Variants in GRB10 observed in about 807,000 individuals in gnomAD.
GRB10 encodes growth factor receptor-bound protein 10.
GRB10 carries 20 observed loss-of-function variants against 80.9 expected under a neutral mutation model. The observed-to-expected ratio is 0.25, with a 90% CI of 0.17 to 0.36. The LOEUF (loss-of-function observed/expected upper bound fraction) is 0.36. Among genes scored for constraint, GRB10 ranks in the 10% least tolerant of loss-of-function variants. The probability of loss-of-function intolerance (pLI) is 1.00; values close to 1 mark genes in which losing one functional copy is unlikely to be tolerated. For missense variants in GRB10, 548 were observed against 747.7 expected (o/e 0.73, Z 3.12); for synonymous variants, 291 against 291.5 (o/e 1.00, Z 0.02).
chr7:50,685,758 G>T (rs1053078692), intron 5 of GRB10, among the ~76,000 whole-genome samples: 1 of 152,146 alleles, frequency 6.6e-6, no homozygotes, highest in Non-Finnish European at 1.5e-5. Flanking sequence ...AAAAGAGCCT[G>T]AATTCTAAGG....
chr7:50,753,653 C>A (rs2074535104), intron 3 of GRB10, among the ~76,000 whole-genome samples: 1 of 152,204 alleles, frequency 6.6e-6, no homozygotes, highest in Admixed American at 6.5e-5. Context: ...AGGAAGCACC[C>A]CACCAAATGG....
intron 3 of GRB10, among the ~76,000 whole-genome samples, chr7:50,746,007 A>C (rs1024530): frequency 0.11 from 17,480 of 152,194 alleles, 3,338 homozygotes; most frequent in African/African-American, 0.4. Flanking sequence ...ATTAGGCCCC[A>C]GAGTCCAGTA....
Position 50,622,630 on chromosome 7 carries a change from T to C in GRB10, c.662-3345A>G, listed in dbSNP as rs186115982. Among the ~76,000 whole-genome samples the C allele has an allele frequency of 8.3e-4, 126 of 152,304 alleles. 3 individuals carry two copies. Among genetic ancestry groups the C allele is most frequent in the Non-Finnish European group, 5.9e-5 (4 of 68,026 alleles). ...TTATCTGACCTTAGTATGCCTGATG[T>C]CTACAGTTACTTGGGGCCTGGGTGC... On this transcript the variant is annotated intron_variant, in intron 8 of 18. Transcript: ENST00000401949.
intron 7 of GRB10, among the ~76,000 whole-genome samples, chr7:50,634,632 G>A (rs143085225): frequency 6.6e-6 from 1 of 152,346 alleles, no homozygotes; most frequent in East Asian, 1.9e-4. Context: ...GCCATCTGCT[G>A]CCTACAAGAG....
Position 50,745,706 on chromosome 7 carries a change from TA to T in GRB10, c.-47+10180del, listed in dbSNP as rs1587784866. On this transcript the variant is annotated intron_variant, in intron 3 of 18. Coordinates refer to ENST00000401949, the MANE Select transcript of GRB10 (RefSeq NM_001350814.2). ...ACAGCCCTTGGATTTAAACACTTTA[TA>T]AACTAAATGCGCTCCAAAGTCATTC... Among the ~76,000 whole-genome samples, 3 of 152,222 alleles carry T rather than the reference TA, an allele frequency of 2.0e-5. No individual in the cohort carries two copies. The East Asian group carries it at 5.8e-4, about 29-fold the overall frequency.
At chr7:50,714,473 C>G (rs533344605) in intron 4 of GRB10, among the ~76,000 whole-genome samples, 2 of 152,144 alleles carry the variant, frequency 1.3e-5, no homozygotes, top group Non-Finnish European at 2.9e-5. Flanking sequence ...ACCATTCTGG[C>G]TAACACGGTG....
chr7:50,731,558 C>G (rs2069730291), intron 4 of GRB10, among the ~76,000 whole-genome samples: 1 of 152,126 alleles, frequency 6.6e-6, no homozygotes, highest in African/African-American at 2.4e-5. Context: ...AAGGATGAAC[C>G]AGGATTCGCG....
intron 18 of GRB10, 103 bp from the exon 19 acceptor site, chr7:50,593,201 C>A: frequency 7.5e-7 from 1 of 1,333,112 alleles, no homozygotes; most frequent in East Asian, 2.3e-5. Flanking sequence ...GATTTGATTC[C>A]AGAGGGACAC....
chr7:50,657,396 A>G (rs1017047956), intron 7 of GRB10, among the ~76,000 whole-genome samples: 2 of 152,158 alleles, frequency 1.3e-5, no homozygotes, highest in Non-Finnish European at 2.9e-5. Context: ...GGCTCCTGGC[A>G]TGGCAACACT....
intron 2 of GRB10, among the ~76,000 whole-genome samples, chr7:50,777,429 TACACACACACACAC>T (rs71018485): frequency 6.8e-6 from 1 of 146,168 alleles, no homozygotes; most frequent in African/African-American, 2.5e-5. Flanking sequence ...GCAATCTGTA[TACACACACACACAC>T]ACACACACAC....
At chr7:50,701,863 A>G (rs1199777218) in intron 5 of GRB10, among the ~76,000 whole-genome samples, 3 of 152,142 alleles carry the variant, frequency 2.0e-5, no homozygotes, top group African/African-American at 7.2e-5. Flanking sequence ...TTATTCTTTC[A>G]TGCATCTGTC....
At chr7:50,609,440 T>C (rs1211874722) in intron 13 of GRB10, among the ~76,000 whole-genome samples, 1 of 152,268 alleles carries the variant, frequency 6.6e-6, no homozygotes, top group African/African-American at 2.4e-5. Flanking sequence ...ACCAGGAAGA[T>C]ACAAATATTC....
chr7:50,727,402 G>A (rs756191205), intron 4 of GRB10, among the ~76,000 whole-genome samples: 1 of 152,124 alleles, frequency 6.6e-6, no homozygotes, highest in Non-Finnish European at 1.5e-5. Flanking sequence ...TGTTCACCTG[G>A]TACCCTAATA....
At chr7:50,700,430 CTG>C (rs1398604038) in intron 5 of GRB10, among the ~76,000 whole-genome samples, 2 of 152,170 alleles carry the variant, frequency 1.3e-5, no homozygotes, top group Non-Finnish European at 2.9e-5. Context: ...TCCTGAGTGT[CTG>C]TGCTACAGGT....
chr7:50,792,114 A>G (rs529221760), intron 1 of GRB10, among the ~76,000 whole-genome samples: 1 of 152,330 alleles, frequency 6.6e-6, no homozygotes, highest in African/African-American at 2.4e-5. Flanking sequence ...CGGGGGCTCC[A>G]AACGGCTGAA....
intron 4 of GRB10, among the ~76,000 whole-genome samples, chr7:50,705,649 T>G (rs2064938978): frequency 6.6e-6 from 1 of 152,216 alleles, no homozygotes; most frequent in African/African-American, 2.4e-5. Context: ...GAATCATAAT[T>G]ATCTTCCACA....
chr7:50,749,986 A>G (rs2073822782), intron 3 of GRB10, among the ~76,000 whole-genome samples: 1 of 152,222 alleles, frequency 6.6e-6, no homozygotes, highest in Non-Finnish European at 1.5e-5. Flanking sequence ...TCAACTTAGG[A>G]CAGACTGTAA....
At chr7:50,689,903 G>A (rs1263586892) in intron 5 of GRB10, among the ~76,000 whole-genome samples, 5 of 149,868 alleles carry the variant, frequency 3.3e-5, no homozygotes, top group Non-Finnish European at 4.4e-5. Flanking sequence ...AATTGTATAA[G>A]AAAGATAACT....
chr7:50,670,681 A>AT (rs1348869328), intron 6 of GRB10, among the ~76,000 whole-genome samples: 13 of 152,212 alleles, frequency 8.5e-5, no homozygotes, highest in African/African-American at 2.9e-4. Context: ...GAGCATTTTC[A>AT]TGAGAACCAA....
Sources: allele counts gnomAD v4.1 joint callset (sites outside exome capture counted in the v4.1 genomes callset), GRCh38; gene constraint gnomAD v4.1.1; transcripts MANE v1.5; gene names NCBI Gene and HGNC (gene_info 2026-07-23, HGNC 2026-07-21).